The following GRIK2 variants were observed in gnomAD, a reference collection of about 807,000 sequenced individuals.
GRIK2 encodes the protein glutamate ionotropic receptor kainate type subunit 2.
GRIK2 carries 32 observed loss-of-function variants against 100.3 expected under a neutral mutation model. The ratio of observed to expected loss-of-function variants is 0.32; its 90% CI spans 0.24 to 0.43. GRIK2 has a LOEUF of 0.43. GRIK2 is among the 20% of genes least tolerant of loss of function. GRIK2 has a pLI of 1.00. For missense variants in GRIK2, 843 were observed against 1,114.9 expected, an observed-to-expected ratio of 0.76 and a Z score of 3.47; for synonymous variants, 417 against 389.4, an observed-to-expected ratio of 1.07 and a Z score of -0.83.
chr6:101,495,045 G>T (rs1278470680), intron 2 of GRIK2, among the ~76,000 whole-genome samples: 1 of 141,574 alleles, frequency 7.1e-6, no homozygotes, highest in Non-Finnish European at 1.5e-5. Context: ...CAATATTTTG[G>T]TATATGCTGT....
At chr6:101,722,245 C>T (rs1399038478) in intron 7 of GRIK2, among the ~76,000 whole-genome samples, 6 of 151,776 alleles carry the variant, frequency 4.0e-5, no homozygotes, top group Non-Finnish European at 7.4e-5. Context: ...TTACTTATAC[C>T]AGGAGTAGGC....
intron 9 of GRIK2, among the ~76,000 whole-genome samples, chr6:101,816,152 G>A (rs1781615982): frequency 6.6e-6 from 1 of 152,034 alleles, no homozygotes; most frequent in South Asian, 2.1e-4. Flanking sequence ...GGTTTTATTA[G>A]ATAGACGACA....
chr6:101,965,006 G>A (rs1276173959), intron 14 of GRIK2, among the ~76,000 whole-genome samples: 2 of 151,966 alleles, frequency 1.3e-5, no homozygotes, highest in East Asian at 3.9e-4. Context: ...TGGATAACCT[G>A]GTCTGCTAGG....
intron 5 of GRIK2, among the ~76,000 whole-genome samples, chr6:101,680,272 G>C (rs1336368107): frequency 6.6e-6 from 1 of 152,182 alleles, no homozygotes; most frequent in African/African-American, 2.4e-5. Context: ...AGAATTTGAT[G>C]CACTTGCCTG....
At chr6:101,450,486 T>G (rs553808459) in intron 2 of GRIK2, among the ~76,000 whole-genome samples, 1 of 151,824 alleles carries the variant, frequency 6.6e-6, no homozygotes, top group South Asian at 2.1e-4. Context: ...TCCTCAAGGA[T>G]GTGATTCTGT....
chr6:101,651,817 G>A (rs368504386), intron 4 of GRIK2, among the ~76,000 whole-genome samples: 1 of 152,226 alleles, frequency 6.6e-6, no homozygotes, highest in African/African-American at 2.4e-5. Context: ...GATCCAGTAG[G>A]GTCTGGGATG....
chr6:101,787,306 A>C (rs1779494124), intron 7 of GRIK2, among the ~76,000 whole-genome samples: 1 of 150,100 alleles, frequency 6.7e-6, no homozygotes, highest in Non-Finnish European at 1.5e-5. Flanking sequence ...TATTTCATTT[A>C]TTTCAGTTCT....
intron 4 of GRIK2, among the ~76,000 whole-genome samples, chr6:101,658,021 T>A (rs536741824): frequency 6.6e-6 from 1 of 152,262 alleles, no homozygotes; most frequent in South Asian, 2.1e-4. Flanking sequence ...TCCTTAGATA[T>A]GCAACCAAAG....
At chr6:101,681,884 T>C (rs1365107520) in intron 5 of GRIK2, among the ~76,000 whole-genome samples, 1 of 152,188 alleles carries the variant, frequency 6.6e-6, no homozygotes, top group Non-Finnish European at 1.5e-5. Context: ...CTCTTATTTT[T>C]GGAGAGAAAA....
At chr6:101,685,811 C>T (rs947596020) in intron 6 of GRIK2, among the ~76,000 whole-genome samples, 3 of 151,962 alleles carry the variant, frequency 2.0e-5, no homozygotes, top group South Asian at 2.1e-4. Context: ...CAGCAATAAC[C>T]AGGCGAGGAA....
At chr6:101,751,419 C>A (rs572962106) in intron 7 of GRIK2, among the ~76,000 whole-genome samples, 3 of 152,016 alleles carry the variant, frequency 2.0e-5, no homozygotes, top group Non-Finnish European at 4.4e-5. Flanking sequence ...CATTTTATAT[C>A]ATAGTAAATC....
At chr6:101,996,300 A>G (rs1794647191) in intron 14 of GRIK2, among the ~76,000 whole-genome samples, 2 of 152,082 alleles carry the variant, frequency 1.3e-5, no homozygotes, top group South Asian at 4.1e-4. Flanking sequence ...AGAGGCCATT[A>G]TAGTTTAGGG....
At chr6:101,539,928 A>G (rs1029356776) in intron 2 of GRIK2, among the ~76,000 whole-genome samples, 2 of 151,804 alleles carry the variant, frequency 1.3e-5, no homozygotes, top group African/African-American at 2.4e-5. Flanking sequence ...ACATTATCTC[A>G]TAAGTTCTTT....
intron 10 of GRIK2, among the ~76,000 whole-genome samples, chr6:101,821,967 G>A (rs9498720): frequency 0.016 from 2,433 of 151,974 alleles, 68 homozygotes; most frequent in African/African-American, 0.056. Context: ...TTTTTATTAC[G>A]TGTCTTTAAA....
At chr6:101,464,489 T>A (rs1463511378) in intron 2 of GRIK2, among the ~76,000 whole-genome samples, 3 of 115,874 alleles carry the variant, frequency 2.6e-5, no homozygotes, top group Non-Finnish European at 5.5e-5. Flanking sequence ...TACCTTTTCT[T>A]TTTCTTTCTT....
intron 7 of GRIK2, among the ~76,000 whole-genome samples, chr6:101,693,386 T>C (rs915911349): frequency 9.2e-5 from 14 of 151,946 alleles, no homozygotes; most frequent in Admixed American, 2.6e-4. Flanking sequence ...AATACATTTC[T>C]GCACACAATT....
intron 12 of GRIK2, among the ~76,000 whole-genome samples, chr6:101,908,859 T>G (rs1450842944): frequency 6.6e-6 from 1 of 151,298 alleles, no homozygotes; most frequent in African/African-American, 2.4e-5. Context: ...CATAAAATTC[T>G]TTTGGAATGA....
chr6:101,634,712 T>A (rs1780922706), intron 4 of GRIK2, among the ~76,000 whole-genome samples: 2 of 151,916 alleles, frequency 1.3e-5, no homozygotes, highest in South Asian at 4.1e-4. Context: ...TTTTCATTAG[T>A]GAAGGAAAAG....
At chr6:101,764,389 AC>A (rs76414472) in intron 7 of GRIK2, among the ~76,000 whole-genome samples, 14,898 of 152,126 alleles carry the variant, frequency 0.098, 970 homozygotes, top group East Asian at 0.16. Flanking sequence ...GTCTCTATAC[AC>A]ATAGAGATTA....
Sources: gnomAD v4.1 joint callset for allele counts (sites outside exome capture counted in the v4.1 genomes callset) on GRCh38, gnomAD v4.1.1 for gene constraint, MANE v1.5 for transcripts, NCBI Gene and HGNC (gene_info 2026-07-23, HGNC 2026-07-21) for gene names.